AFG2A: variants seen among roughly 807,000 people sequenced by gnomAD.
The protein encoded by AFG2A is ATPase family gene 2 protein homolog A.
the AFG2A span, among the ~76,000 whole-genome samples, chr4:123,041,460 T>C: frequency 1.3e-5 from 2 of 151,680 alleles, no homozygotes; most frequent in Non-Finnish European, 2.9e-5. Context: ...CTAATTAGCC[T>C]CAAATATTGA....
chr4:123,031,932 T>C, the AFG2A span, among the ~76,000 whole-genome samples: 18 of 152,030 alleles, frequency 1.2e-4, no homozygotes, highest in Admixed American at 6.5e-4. Flanking sequence ...TTTGACATAC[T>C]GTGTAAGTTT....
the AFG2A span, among the ~76,000 whole-genome samples, chr4:123,197,785 A>G: frequency 2.6e-5 from 4 of 151,802 alleles, no homozygotes; most frequent in East Asian, 7.7e-4. Flanking sequence ...AAATAAATAA[A>G]TAAATAAATA....
At chr4:122,984,293 A>C in the AFG2A span, among the ~76,000 whole-genome samples, 550 of 152,240 alleles carry the variant, frequency 3.6e-3, 4 homozygotes, top group African/African-American at 0.013. Context: ...ATTTGTATAC[A>C]TTAGTCTTGT....
chr4:123,298,343 CTCT>C, the AFG2A span, among the ~76,000 whole-genome samples: 1 of 152,224 alleles, frequency 6.6e-6, no homozygotes, highest in Non-Finnish European at 1.5e-5. Context: ...GACAAAAACT[CTCT>C]TCATCGAGAC....
the AFG2A span, among the ~76,000 whole-genome samples, chr4:123,002,747 T>C: frequency 6.6e-6 from 1 of 152,180 alleles, no homozygotes; most frequent in African/African-American, 2.4e-5. Flanking sequence ...ATTTTTTCCT[T>C]CATTTTAACT....
At chr4:123,003,170 A>T in the AFG2A span, among the ~76,000 whole-genome samples, 1 of 152,220 alleles carries the variant, frequency 6.6e-6, no homozygotes, top group East Asian at 1.9e-4. Flanking sequence ...TCCTTTAAGC[A>T]CTTCTCTATA....
the AFG2A span, among the ~76,000 whole-genome samples, chr4:123,167,104 T>C: frequency 2.8e-4 from 42 of 151,406 alleles, no homozygotes; most frequent in East Asian, 6.2e-3. Flanking sequence ...CTGAATATAA[T>C]AGGAACTCAT....
At chr4:122,971,183 G>A in the AFG2A span, among the ~76,000 whole-genome samples, 2 of 152,274 alleles carry the variant, frequency 1.3e-5, no homozygotes, top group Non-Finnish European at 2.9e-5. Context: ...AAGGTGGGAG[G>A]ATCCCTTAAG....
At chr4:123,276,173 G>A in the AFG2A span, among the ~76,000 whole-genome samples, 31 of 152,068 alleles carry the variant, frequency 2.0e-4, no homozygotes, top group African/African-American at 7.5e-4. Flanking sequence ...TTTAATAATA[G>A]CCACTCTGAC....
At chr4:123,123,038 T>A in the AFG2A span, among the ~76,000 whole-genome samples, 154 of 152,252 alleles carry the variant, frequency 1.0e-3, no homozygotes, top group Non-Finnish European at 1.7e-3. Context: ...CTCAAGAAAA[T>A]CTATTTTACT....
chr4:123,312,895 G>C, the AFG2A span, among the ~76,000 whole-genome samples: 378 of 152,298 alleles, frequency 2.5e-3, 2 homozygotes, highest in Non-Finnish European at 4.5e-3. Context: ...CATAAGCAGA[G>C]GAACTCTTTT....
the AFG2A span, among the ~76,000 whole-genome samples, chr4:122,987,564 C>A: frequency 2.0e-5 from 3 of 150,126 alleles, no homozygotes; most frequent in African/African-American, 7.4e-5. Flanking sequence ...ATTCTTTTCT[C>A]TTTATCCTTT....
At chr4:123,227,680 A>G in the AFG2A span, among the ~76,000 whole-genome samples, 1 of 152,138 alleles carries the variant, frequency 6.6e-6, no homozygotes, top group African/African-American at 2.4e-5. Context: ...AAAAGAATGT[A>G]TATTCGGTTG....
At chr4:123,179,371 C>G in the AFG2A span, among the ~76,000 whole-genome samples, 8 of 152,140 alleles carry the variant, frequency 5.3e-5, no homozygotes, top group Non-Finnish European at 4.4e-5. Flanking sequence ...GACAGAGTCT[C>G]ACTGTGGCAC....
chr4:123,164,684 C>G, the AFG2A span, among the ~76,000 whole-genome samples: 5 of 152,162 alleles, frequency 3.3e-5, no homozygotes, highest in Admixed American at 1.3e-4. Flanking sequence ...ATTGAAGTCT[C>G]TATGCCAATA....
the AFG2A span, among the ~76,000 whole-genome samples, chr4:123,015,418 T>C: frequency 6.6e-6 from 1 of 152,022 alleles, no homozygotes; most frequent in Non-Finnish European, 1.5e-5. Flanking sequence ...AGCATCTGTT[T>C]AACAAAGCAC....
chr4:123,075,187 G>A, the AFG2A span, among the ~76,000 whole-genome samples: 9 of 151,674 alleles, frequency 5.9e-5, no homozygotes, highest in East Asian at 1.9e-4. Flanking sequence ...TTTGTGATCC[G>A]CCCACCTTAG....
the AFG2A span, among the ~76,000 whole-genome samples, chr4:123,104,909 G>A: frequency 6.6e-6 from 1 of 152,220 alleles, no homozygotes; most frequent in Non-Finnish European, 1.5e-5. Flanking sequence ...GTAAAGTGAA[G>A]CAGCAAGTGC....
the AFG2A span, among the ~76,000 whole-genome samples, chr4:123,042,334 CAG>C: frequency 1.2e-3 from 173 of 148,770 alleles, no homozygotes; most frequent in Non-Finnish European, 1.1e-3. Context: ...TAGTGGAAAG[CAG>C]AGAGAGAGAG....
Sources: gnomAD v4.1 joint callset for allele counts (sites outside exome capture counted in the v4.1 genomes callset) on GRCh38, gnomAD v4.1.1 for gene constraint, MANE v1.5 for transcripts, NCBI Gene and HGNC (gene_info 2026-07-23, HGNC 2026-07-21) for gene names.